Variants in MAST2 observed in about 807,000 individuals in gnomAD.
The protein encoded by MAST2 is microtubule associated serine/threonine kinase 2.
In MAST2, 70 loss-of-function variants were observed where a neutral mutation model predicts 147.4. The ratio of observed to expected loss-of-function variants is 0.47; its 90% CI spans 0.39 to 0.58. MAST2 has a LOEUF of 0.58. MAST2 is among the 20% of genes least tolerant of loss of function. The pLI is 0.00. For synonymous variants in MAST2, 869 were observed against 896.8 expected, an observed-to-expected ratio of 0.97 and a Z score of 0.55; for missense variants, 2,080 against 2,302.3, an observed-to-expected ratio of 0.90 and a Z score of 1.98.
In MAST2 at chr1:45,959,166, A is replaced by G. The variant is rs566391532; in HGVS notation, c.501-220A>G. Among the ~76,000 whole-genome samples the G allele has an allele frequency of 2.6e-5, 4 of 152,338 alleles. No individual in the cohort carries two copies. The South Asian group carries it at 8.3e-4, about 32-fold the overall frequency. On this transcript the variant is annotated intron_variant, in intron 4 of 28. Coordinates refer to ENST00000361297, the MANE Select transcript of MAST2 (RefSeq NM_015112.3). ...ATTGGAAAAGCACAGTGGCAATACA[A>G]GATGAAAGTCAAGGCAGTGAAAAAA...
At chr1:45,867,419 T>TG (rs1476806137) in intron 3 of MAST2, among the ~76,000 whole-genome samples, 7 of 152,140 alleles carry the variant, frequency 4.6e-5, no homozygotes, top group Non-Finnish European at 7.3e-5. Flanking sequence ...CAGAGTTTCT[T>TG]GGGGAGGTAG....
intron 16 of MAST2, among the ~76,000 whole-genome samples, chr1:46,027,522 G>T (rs960792588): frequency 1.3e-5 from 2 of 152,164 alleles, no homozygotes; most frequent in African/African-American, 4.8e-5. Context: ...TGGGCAAAAG[G>T]CAGGTTCGTT....
At chr1:46,018,854 T>G (rs1646065664) in intron 10 of MAST2, among the ~76,000 whole-genome samples, 1 of 152,218 alleles carries the variant, frequency 6.6e-6, no homozygotes, top group African/African-American at 2.4e-5. Context: ...TATAGGTGCC[T>G]GAAACTGCAC....
At chr1:45,996,084 T>C (rs1215014932) in intron 5 of MAST2, among the ~76,000 whole-genome samples, 2 of 151,884 alleles carry the variant, frequency 1.3e-5, no homozygotes, top group East Asian at 3.9e-4. Flanking sequence ...GTTTTTTTGC[T>C]GCTTTTTTTT....
Position 46,034,265 on chromosome 1 carries a change from A to T in MAST2, c.3867A>T (p.Ser1289=). ...GYRVTPDAVH[S]VGGNSSQSSS... ...GGGTGACCCCCGATGCTGTGCATTCAGGTACGAAGGGCTCCCTGCAGATCA... is the reference window on the plus strand; with the variant it reads ...GGGTGACCCCCGATGCTGTGCATTCTGGTACGAAGGGCTCCCTGCAGATCA... Residue 1289 remains serine, a splice_region_variant and synonymous_variant, in exon 28 of 29, where the codon TCA becomes TCT. Transcript: ENST00000361297. 6.2e-7 allele frequency: 1 copy of T among 1,610,714 alleles called. No homozygotes were observed. The highest frequency in any genetic ancestry group is 8.5e-7 in the Non-Finnish European group (1 of 1,178,144).
At chr1:46,000,228 C>T (rs1645219212) in intron 6 of MAST2, among the ~76,000 whole-genome samples, 1 of 152,172 alleles carries the variant, frequency 6.6e-6, no homozygotes, top group Admixed American at 6.5e-5. Flanking sequence ...GCAGGAGAAT[C>T]ACTTGAATCC....
intron 10 of MAST2, among the ~76,000 whole-genome samples, chr1:46,013,233 T>A (rs1645789129): frequency 6.6e-6 from 1 of 152,078 alleles, no homozygotes; most frequent in African/African-American, 2.4e-5. Context: ...GAAACTAAGT[T>A]AGCTCAAGAT....
chr1:45,916,122 G>A (rs1652466040), intron 4 of MAST2, among the ~76,000 whole-genome samples: 1 of 152,168 alleles, frequency 6.6e-6, no homozygotes, highest in Non-Finnish European at 1.5e-5. Flanking sequence ...GTAAACTGAA[G>A]ACCACTAGAG....
At chr1:46,033,981 A>C (rs774594973) in intron 27 of MAST2, 43 bp downstream of exon 27, 7 of 1,611,082 alleles carry the variant, frequency 4.3e-6, no homozygotes, top group Non-Finnish European at 5.1e-6. Context: ...GAGCCACATG[A>C]GTGCTGGTAC....
At chr1:45,936,938 T>A (rs922212534) in intron 4 of MAST2, among the ~76,000 whole-genome samples, 1 of 152,064 alleles carries the variant, frequency 6.6e-6, no homozygotes, top group Non-Finnish European at 1.5e-5. Flanking sequence ...AGATGAGTCC[T>A]CTCTTTGTTG....
chr1:45,970,151 C>G (rs1025208665), intron 5 of MAST2, among the ~76,000 whole-genome samples: 13 of 152,226 alleles, frequency 8.5e-5, no homozygotes, highest in African/African-American at 2.9e-4. Flanking sequence ...CCTTTTCCCT[C>G]CTCCTGCTGG....
intron 4 of MAST2, among the ~76,000 whole-genome samples, chr1:45,907,259 T>C (rs1426119359): frequency 6.6e-6 from 1 of 152,220 alleles, no homozygotes; most frequent in African/African-American, 2.4e-5. Context: ...TTTGATGTTC[T>C]TTGTGAGTTT....
chr1:46,002,987 AAACT>A, intron 7 of MAST2, 104 bp downstream of exon 7: 1 of 1,160,514 alleles, frequency 8.6e-7, no homozygotes, highest in Non-Finnish European at 1.3e-6. Context: ...CTCCAAAGTC[AAACT>A]CAGAGAGGTT....
chr1:45,897,370 C>T (rs1374806682), intron 4 of MAST2, among the ~76,000 whole-genome samples: 2 of 152,158 alleles, frequency 1.3e-5, no homozygotes, highest in African/African-American at 4.8e-5. Context: ...AGGAATTTTG[C>T]CATTAGGTTT....
rs1307561779 is a variant in MAST2 at position 46,023,244 on chromosome 1, A to G, written c.1497A>G (p.Ala499=). ...ETDDSIEGHG[A]SLPSKKTPSE... is the part of the protein sequence containing the mutation. ...CCCTTGTCTTCCAGGGCCATGGGGC[A>G]TCTCTGCCATCTAAAAAGACACCCT... Residue 499 remains alanine (A), a synonymous_variant, in exon 14 of 29, where the codon GCA becomes GCG. Coordinates refer to ENST00000361297, the MANE Select transcript of MAST2 (RefSeq NM_015112.3). This position sits in a 1 kb window ranked among gnomAD's most constrained non-coding sequence, Gnocchi z 4.9. The G allele has an allele frequency of 1.2e-6, 2 of 1,614,034 alleles. No homozygotes were observed. Among genetic ancestry groups the G allele is most frequent in the African/African-American group, 1.3e-5 (1 of 74,928 alleles).
intron 5 of MAST2, among the ~76,000 whole-genome samples, chr1:45,983,923 T>C (rs946434769): frequency 1.3e-4 from 20 of 152,310 alleles, no homozygotes; most frequent in African/African-American, 4.6e-4. Context: ...AGCTACACTT[T>C]AAAAGAAATT....
chr1:45,856,780 T>C (rs1645803620), intron 3 of MAST2, among the ~76,000 whole-genome samples: 1 of 151,744 alleles, frequency 6.6e-6, no homozygotes, highest in Non-Finnish European at 1.5e-5. Context: ...AGTTATCCTT[T>C]AGATCTGTTT....
intron 4 of MAST2, among the ~76,000 whole-genome samples, chr1:45,928,855 A>ATTTG (rs1654829150): frequency 6.8e-6 from 1 of 146,082 alleles, no homozygotes; most frequent in Non-Finnish European, 1.5e-5. Context: ...CTTGCAATTT[A>ATTTG]TTTGTTGCAG....
intron 4 of MAST2, among the ~76,000 whole-genome samples, chr1:45,932,648 G>T (rs1290682491): frequency 2.0e-5 from 3 of 152,138 alleles, no homozygotes; most frequent in Admixed American, 1.3e-4. Context: ...ACTCTGGCCT[G>T]GGAGACAGAG....
Sources: allele counts gnomAD v4.1 joint callset (sites outside exome capture counted in the v4.1 genomes callset), GRCh38; gene constraint gnomAD v4.1.1; non-coding constraint Gnocchi (gnomAD v3.1); transcripts MANE v1.5; gene names NCBI Gene and HGNC (gene_info 2026-07-23, HGNC 2026-07-21).